KMT5B: variants seen among roughly 807,000 people sequenced by gnomAD.
KMT5B encodes the protein histone-lysine N-methyltransferase KMT5B.
A neutral mutation model predicts 83.2 loss-of-function variants in KMT5B; 10 were observed. That is an observed-to-expected ratio of 0.12 (90% CI 0.07 to 0.20). The LOEUF (loss-of-function observed/expected upper bound fraction) is 0.20. Among genes scored for constraint, KMT5B ranks in the 10% least tolerant of loss-of-function variants. KMT5B has a pLI of 1.00. For synonymous variants in KMT5B, 349 were observed against 388.8 expected (o/e 0.90, Z 1.20); for missense variants, 753 against 1,067.2 (o/e 0.71, Z 4.10).
At chr11:68,172,100 G>A (rs1855891449) in intron 6 of KMT5B, among the ~76,000 whole-genome samples, 1 of 152,160 alleles carries the variant, frequency 6.6e-6, no homozygotes, top group Admixed American at 6.5e-5. Flanking sequence ...TGAGGATCCG[G>A]AATCATGGTG....
At chr11:68,212,178 C>G (rs1860998458) in intron 1 of KMT5B, among the ~76,000 whole-genome samples, 1 of 152,110 alleles carries the variant, frequency 6.6e-6, no homozygotes, top group African/African-American at 2.4e-5. Flanking sequence ...TCTAAAGATC[C>G]TACACAGCAA....
chr11:68,158,559 T>C lies in KMT5B; in HGVS notation c.1787A>G (p.Gln596Arg). 6.2e-7 allele frequency: 1 copy of C among 1,614,216 alleles called. No individual in the cohort carries two copies. Among genetic ancestry groups the C allele is most frequent in the Non-Finnish European group, 8.5e-7 (1 of 1,180,036 alleles). The change falls in exon 11 of 11, where the codon CAA becomes CGA. Residue 596 changes from glutamine (Q) to arginine (R), a missense_variant. Transcript: ENST00000304363. ...QEEELAHETA[Q>R]KGEAKCHKSD... ...CTTATGACACTTTGCCTCCCCTTTT[T>C]GTGCAGTCTCATGAGCCAGTTCTTC...
Position 68,155,184 on chromosome 11 carries a change from G to C in KMT5B, c.*2504C>G, listed in dbSNP as rs900459431. On this transcript the variant is annotated 3_prime_UTR_variant, in exon 11 of 11. Transcript: ENST00000304363. ...GCTCAAGCTAAGAGTTTTATTGAAT[G>C]CAACCTCTTCTAAACTGGTCAACGG... The C allele has an allele frequency of 2.0e-5, 3 of 152,178 alleles. No individual in the cohort carries two copies. Among genetic ancestry groups the C allele is most frequent in the African/African-American group, 7.2e-5 (3 of 41,436 alleles). The allele number at this position is 152,178 out of a possible 1,614,324, so 9.4% of individuals were successfully genotyped here.
chr11:68,207,850 T>A (rs894421092), intron 1 of KMT5B, among the ~76,000 whole-genome samples: 1 of 150,862 alleles, frequency 6.6e-6, no homozygotes, highest in Non-Finnish European at 1.5e-5. Flanking sequence ...ACAAATTTTT[T>A]ATTTTTTTAG....
chr11:68,164,259 T>C (rs1235590982), intron 10 of KMT5B, among the ~76,000 whole-genome samples: 2 of 152,210 alleles, frequency 1.3e-5, no homozygotes, highest in Non-Finnish European at 2.9e-5. Flanking sequence ...TCAGAACATT[T>C]TTTTATACAT....
intron 6 of KMT5B, 106 bp downstream of exon 6, chr11:68,173,698 G>C: frequency 1.3e-6 from 1 of 762,418 alleles, no homozygotes; most frequent in Non-Finnish European, 2.1e-6. Context: ...GCTACTTCAG[G>C]GTAAACTCTG....
At chr11:68,159,676 T>C (rs550485108) in intron 10 of KMT5B, among the ~76,000 whole-genome samples, 1 of 152,296 alleles carries the variant, frequency 6.6e-6, no homozygotes, top group Non-Finnish European at 1.5e-5. Flanking sequence ...AGGAACAAAT[T>C]CTATCGCAAT....
At chr11:68,210,934 T>C (rs541092283) in intron 1 of KMT5B, among the ~76,000 whole-genome samples, 21 of 152,190 alleles carry the variant, frequency 1.4e-4, no homozygotes, top group Non-Finnish European at 2.9e-4. Flanking sequence ...AAACACGAAA[T>C]AATGGGACCA....
At chr11:68,208,074 T>A (rs1433893366) in intron 1 of KMT5B, among the ~76,000 whole-genome samples, 1 of 147,466 alleles carries the variant, frequency 6.8e-6, no homozygotes. Context: ...CCTGACCACG[T>A]GATTCACCTG....
chr11:68,169,863 A>T (rs1237084174), intron 9 of KMT5B, among the ~76,000 whole-genome samples: 1 of 151,006 alleles, frequency 6.6e-6, no homozygotes, highest in East Asian at 1.9e-4. Flanking sequence ...ACATGTGAAT[A>T]ATTTTTATGT....
chr11:68,203,777 AG>A (rs1859739341), intron 1 of KMT5B, among the ~76,000 whole-genome samples: 1 of 152,170 alleles, frequency 6.6e-6, no homozygotes, highest in South Asian at 2.1e-4. Flanking sequence ...GAAAAGAGAA[AG>A]GCCTCAGGGT....
At position 68,158,082 on chromosome 11, in the gene KMT5B, T is replaced by C. The variant is rs764339175; in HGVS notation, c.2264A>G (p.Asn755Ser). The C allele has an allele frequency of 6.2e-7, 1 of 1,614,202 alleles. No individual in the cohort carries two copies. The highest frequency in any genetic ancestry group is 1.1e-5 in the South Asian group (1 of 91,084). The change falls in exon 11 of 11, where the codon AAC becomes AGC. Residue 755 changes from asparagine (N) to serine (S), a missense_variant. Coordinates refer to ENST00000304363, the MANE Select transcript of KMT5B (RefSeq NM_017635.5). ...ATTAAGCTTTGCTACATAGAGATTG[T>C]TATCGTTGTCATGGTCTTTGCTTAA... is the stretch of plus-strand genomic sequence containing the variant. ...IKLSKDHDND[N>S]NLYVAKLNNG...
chr11:68,190,221 A>C (rs1194067172), intron 1 of KMT5B, 69 bp from the exon 2 acceptor site: 3 of 691,334 alleles, frequency 4.3e-6, no homozygotes, highest in Non-Finnish European at 7.4e-6. Flanking sequence ...CATGCTAAAC[A>C]GACCCTTGAG....
chr11:68,179,788 G>T, intron 4 of KMT5B: 1 of 452,466 alleles, frequency 2.2e-6, no homozygotes, highest in Non-Finnish European at 3.5e-6. Flanking sequence ...GTTTGTAGAC[G>T]CTGAGTGAGG....
intron 2 of KMT5B, among the ~76,000 whole-genome samples, chr11:68,188,093 C>T (rs1857621689): frequency 6.7e-6 from 1 of 150,214 alleles, no homozygotes; most frequent in Non-Finnish European, 1.5e-5. Context: ...GACGCAATCT[C>T]GGCTCACTGC....
chr11:68,160,461 C>T (rs4256988), intron 10 of KMT5B, among the ~76,000 whole-genome samples: 15,140 of 152,200 alleles, frequency 0.099, 832 homozygotes, highest in East Asian at 0.23. Flanking sequence ...GATAACAAAA[C>T]GAATCATCAC....
At chr11:68,186,150 G>A (rs1857418761) in intron 2 of KMT5B, among the ~76,000 whole-genome samples, 1 of 152,120 alleles carries the variant, frequency 6.6e-6, no homozygotes, top group Non-Finnish European at 1.5e-5. Flanking sequence ...GTAATAGCAG[G>A]TTCCCAAGAA....
At chr11:68,179,699 T>A in intron 4 of KMT5B, 1 of 1,066,344 alleles carries the variant, frequency 9.4e-7, no homozygotes, top group South Asian at 1.9e-5. Flanking sequence ...GCTCAAATAT[T>A]TAAGATATAA....
intron 2 of KMT5B, among the ~76,000 whole-genome samples, chr11:68,188,923 T>G (rs1857732279): frequency 6.6e-6 from 1 of 152,176 alleles, no homozygotes; most frequent in Admixed American, 6.5e-5. Context: ...GGACCACTCA[T>G]TCAGTCTTGC....
Sources: gnomAD v4.1 joint callset for allele counts (sites outside exome capture counted in the v4.1 genomes callset) on GRCh38, gnomAD v4.1.1 for gene constraint, MANE v1.5 for transcripts, NCBI Gene and HGNC (gene_info 2026-07-23, HGNC 2026-07-21) for gene names.